Variants in SBF1 observed in about 807,000 individuals in gnomAD.
The protein encoded by SBF1 is myotubularin-related protein 5.
SBF1 carries 65 observed loss-of-function variants against 215.8 expected under a neutral mutation model. The observed-to-expected ratio is 0.30, with a 90% CI of 0.25 to 0.37. The LOEUF (loss-of-function observed/expected upper bound fraction) is 0.37. Among genes scored for constraint, SBF1 ranks in the 10% least tolerant of loss-of-function variants. The pLI, the probability that SBF1 is intolerant of heterozygous loss-of-function variation, is 1.00. For missense variants in SBF1, 2,634 were observed against 2,667.8 expected, an observed-to-expected ratio of 0.99 and a Z score of 0.28; for synonymous variants, 1,410 against 1,122.8, an observed-to-expected ratio of 1.26 and a Z score of -5.11.
chr22:50,463,634 A>G (rs1382732868), intron 15 of SBF1, among the ~76,000 whole-genome samples: 1 of 152,224 alleles, frequency 6.6e-6, no homozygotes, highest in South Asian at 2.1e-4. Context: ...CAGGCCAGAC[A>G]CAAGGACGCA....
At chr22:50,473,048 G>A (rs746241047) in intron 1 of SBF1, among the ~76,000 whole-genome samples, 23 of 152,266 alleles carry the variant, frequency 1.5e-4, no homozygotes, top group Admixed American at 1.4e-3. Context: ...CCTGCACTAC[G>A]TGTGGCTCCA....
intron 22 of SBF1, 29 bp from the exon 23 acceptor site, chr22:50,461,315 C>G: frequency 6.6e-7 from 1 of 1,520,676 alleles, no homozygotes; most frequent in Non-Finnish European, 8.8e-7. Context: ...GAGTCAGAAG[C>G]AAGGAAGGTA....
At position 50,455,750 on chromosome 22, in the gene SBF1, G is replaced by C. The variant is rs377386026; in HGVS notation, c.4267-168C>G. ...CACTGGACAAACACAGCTCGCTCTGGGTGTGCCGACCACCGCCTCCAGCCT... is the reference window on the plus strand; with the variant it reads ...CACTGGACAAACACAGCTCGCTCTGCGTGTGCCGACCACCGCCTCCAGCCT... On this transcript the variant is annotated intron_variant, in intron 31 of 40. Transcript: ENST00000380817. The C allele has an allele frequency of 3.2e-5, 20 of 634,156 alleles. No individual in the cohort carries two copies. The Admixed American group carries it at 4.3e-4, about 14-fold the overall frequency. 39.3% of individuals were successfully genotyped at this position (634,156 alleles called of 1,614,324 possible).
At position 50,457,052 on chromosome 22, in the gene SBF1, T is replaced by G; in HGVS notation, c.3886A>C (p.Arg1296=). 1 of 1,459,194 alleles carries G rather than the reference T, an allele frequency of 6.9e-7. No homozygotes were observed. Among genetic ancestry groups the G allele is most frequent in the Non-Finnish European group, 9.0e-7 (1 of 1,110,830 alleles). The allele number at this position is 1,459,194 out of a possible 1,614,324, so 90.4% of individuals were successfully genotyped here. ...LSNPMAASAS[R]RTAPRGKWGS... is the part of the protein sequence containing the mutation. ...ACGGTACCTCGGGGTGCGGTCCGTC[T>G]GGAGGCCGAGGCCGCCATGGGGTTG... is the stretch of plus-strand genomic sequence containing the variant. Residue 1296 remains arginine, a synonymous_variant, in exon 29 of 41, where the codon AGA becomes CGA. Transcript: ENST00000380817.
Position 50,455,420 on chromosome 22 carries a change from C to T in SBF1, c.4369-11G>A, listed in dbSNP as rs199878169. The T allele has an allele frequency of 6.2e-7, 1 of 1,611,910 alleles. No individual in the cohort carries two copies. The highest frequency in any genetic ancestry group is 1.1e-5 in the South Asian group (1 of 91,032). On this transcript the variant is annotated splice_polypyrimidine_tract_variant and intron_variant, in intron 32 of 40. Coordinates refer to ENST00000380817, the MANE Select transcript of SBF1 (RefSeq NM_002972.4). ...CACCAAGGATACCACCTGCCAGCAC[C>T]GCCAGGAGGTCAGCGAGGAGCCCGG...
At chr22:50,468,213 C>T (rs2067859488) in intron 2 of SBF1, among the ~76,000 whole-genome samples, 163 bp downstream of exon 2, 1 of 152,226 alleles carries the variant, frequency 6.6e-6, no homozygotes, top group African/African-American at 2.4e-5. Context: ...GCACAGGCCG[C>T]CGGCCAAGCC....
chr22:50,460,514 C>A lies in SBF1; in HGVS notation c.3146+20G>T. On this transcript the variant is annotated intron_variant, in intron 24 of 40. Transcript: ENST00000380817. ...ACACGGCTGAGGCCCAGCTGCCCTG[C>A]CTGGGACCCAGATCCATACCTGAGG... 1 of 1,612,616 alleles carries A rather than the reference C, an allele frequency of 6.2e-7. No homozygotes were observed. The highest frequency in any genetic ancestry group is 8.5e-7 in the Non-Finnish European group (1 of 1,178,862).
Position 50,459,299 on chromosome 22 carries a change from C to A in SBF1, c.3782G>T (p.Arg1261Leu). The A allele has an allele frequency of 6.2e-7, 1 of 1,611,674 alleles. No individual in the cohort carries two copies. Among genetic ancestry groups the A allele is most frequent in the Non-Finnish European group, 8.5e-7 (1 of 1,178,634 alleles). Reference protein sequence around the residue: ...SMPRYADASGRNTLSGFSSAH... With the variant: ...SMPRYADASGLNTLSGFSSAH... ...TGAGGAGAAGCCGCTAAGCGTGTTG[C>A]GTCCCGACGCGTCGGCGTAGCGGGG... Residue 1261 changes from arginine to leucine, a missense_variant, in exon 28 of 41, where the codon CGC (arginine) becomes CTC (leucine). Arg to Leu is a moderately radical substitution (Grantham distance 102). Transcript: ENST00000380817.
intron 35 of SBF1, 28 bp from the exon 36 acceptor site, chr22:50,454,770 T>C (rs1399046275): frequency 6.3e-7 from 1 of 1,597,440 alleles, no homozygotes; most frequent in Non-Finnish European, 8.5e-7. Flanking sequence ...GTTGAGGACC[T>C]GGGTCGGGCA....
intron 15 of SBF1, among the ~76,000 whole-genome samples, chr22:50,463,880 G>A (rs544155345): frequency 6.6e-6 from 1 of 152,344 alleles, no homozygotes; most frequent in East Asian, 1.9e-4. Flanking sequence ...AACTGGCCAT[G>A]ATGAAAGACC....
chr22:50,464,157 C>A (rs2067646115), intron 15 of SBF1, among the ~76,000 whole-genome samples, 172 bp downstream of exon 15: 1 of 152,216 alleles, frequency 6.6e-6, no homozygotes. Context: ...TCACTGAGGT[C>A]AAGAGAGGAG....
At chr22:50,474,680 C>T (rs1171426073) in intron 1 of SBF1, 106 bp downstream of exon 1, 3 of 964,552 alleles carry the variant, frequency 3.1e-6, no homozygotes, top group Non-Finnish European at 2.9e-6. Flanking sequence ...ACCCAGCCCC[C>T]AGCCCTCGGC....
In SBF1 at chr22:50,461,696, A is replaced by T; in HGVS notation, c.2666T>A (p.Leu889Gln). The T allele has an allele frequency of 6.2e-7, 1 of 1,609,652 alleles. No homozygotes were observed. The highest frequency in any genetic ancestry group is 8.5e-7 in the Non-Finnish European group (1 of 1,178,940). ...CAGCACACACTCCTCACCCGGCAGC[A>T]GGCGCGGCCGCAGCAGCTTGGGCTG... is the stretch of plus-strand genomic sequence containing the variant. Reference protein sequence around the residue: ...IQKPKLLRPRLLPGEECVLDG... With the variant: ...IQKPKLLRPRQLPGEECVLDG... The change falls in exon 22 of 41, where the codon CTG (leucine) becomes CAG (glutamine). Residue 889 changes from leucine (L) to glutamine (Q), a missense_variant. Physicochemically the swap from Leu to Gln is moderately radical, Grantham distance 113 (BLOSUM62 -2). Transcript: ENST00000380817.
In SBF1 at chr22:50,445,562, C is replaced by CT. The variant is rs1408377963; in HGVS notation, c.*1579dup. 5.9e-5 allele frequency: 9 copies of CT among 152,352 alleles called. No homozygotes were observed. Among genetic ancestry groups the CT allele is most frequent in the Non-Finnish European group, 2.9e-5 (2 of 68,128 alleles). The allele number at this position is 152,352 out of a possible 1,614,324, so 9.4% of individuals were successfully genotyped here. ...CTACCCTGTGCCTGGCATTTGTCCTCTCCCCCCACAGACGTGGAACAGGGA... is the reference window on the plus strand; with the variant it reads ...CTACCCTGTGCCTGGCATTTGTCCTCTTCCCCCCACAGACGTGGAACAGGGA... On this transcript the variant is annotated 3_prime_UTR_variant, in exon 41 of 41. Transcript: ENST00000380817.
intron 26 of SBF1, 58 bp from the exon 27 acceptor site, chr22:50,459,724 G>A (rs1040748470): frequency 2.6e-5 from 39 of 1,504,366 alleles, no homozygotes; most frequent in African/African-American, 1.4e-4. Context: ...CCAGGCTCAC[G>A]CCCCAAGCAG....
In SBF1 at chr22:50,446,819, CTCTTTATA is replaced by C. The variant is rs1309332741; in HGVS notation, c.*315_*322del. On this transcript the variant is annotated 3_prime_UTR_variant, in exon 41 of 41. Transcript: ENST00000380817. ...GGCACAGGAGCGTGGCGTTAGTTCTCTCTTTATATAGACTCTGGTTCTAGAAACTCGCC... is the reference window on the plus strand; with the variant it reads ...GGCACAGGAGCGTGGCGTTAGTTCTCTAGACTCTGGTTCTAGAAACTCGCC... The C allele has an allele frequency of 2.8e-5, 19 of 680,258 alleles. No individual in the cohort carries two copies. In the Middle Eastern group the frequency reaches 3.2e-3, roughly 116 times the overall value. 42.1% of individuals were successfully genotyped at this position (680,258 alleles called of 1,614,324 possible).
intron 15 of SBF1, among the ~76,000 whole-genome samples, chr22:50,463,894 G>A (rs947376554): frequency 5.3e-5 from 8 of 152,200 alleles, no homozygotes; most frequent in Non-Finnish European, 7.3e-5. Flanking sequence ...AAAGACCCCA[G>A]AGGCGTTAAG....
At position 50,459,648 on chromosome 22, in the gene SBF1, G is replaced by A. The variant is rs13056317; in HGVS notation, c.3510C>T (p.Ile1170=). The change falls in exon 27 of 41, where the codon ATC becomes ATT. Residue 1170 remains isoleucine, a synonymous_variant. Coordinates refer to ENST00000380817, the MANE Select transcript of SBF1 (RefSeq NM_002972.4). ...AICRSYPGLL[I]VPQSVQDNAL... The stretch of plus-strand genomic sequence containing the variant: ...CGTTGTCCTGGACACTCTGGGGCAC[G>A]ATCAGCAGCCCTGGGTAGCTGAGAG... The A allele has an allele frequency of 1.9e-5, 30 of 1,607,072 alleles. No homozygotes were observed. The highest frequency in any genetic ancestry group is 1.3e-4 in the African/African-American group (10 of 74,818).
At chr22:50,460,240 G>A (rs374273752) in intron 25 of SBF1, 32 bp downstream of exon 25, 626 of 1,599,668 alleles carry the variant, frequency 3.9e-4, no homozygotes, top group Non-Finnish European at 5.0e-4. Flanking sequence ...AGCATCCAGA[G>A]ACCACCCAGG....
Sources: gnomAD v4.1 joint callset for allele counts (sites outside exome capture counted in the v4.1 genomes callset) on GRCh38, gnomAD v4.1.1 for gene constraint, MANE v1.5 for transcripts, NCBI Gene and HGNC (gene_info 2026-07-23, HGNC 2026-07-21) for gene names.